ZNF398: variants seen among roughly 807,000 people sequenced by gnomAD.
ZNF398 encodes zinc finger DNA binding protein ZER6.
A neutral mutation model predicts 41.9 loss-of-function variants in ZNF398; 18 were observed. The ratio of observed to expected loss-of-function variants is 0.43; its 90% CI spans 0.30 to 0.64. ZNF398 has a LOEUF of 0.64. Ranked by LOEUF, ZNF398 falls within the 30% of genes least tolerant of loss-of-function variation. ZNF398 has a pLI of 0.14. For synonymous variants in ZNF398, 260 were observed against 308.8 expected, an observed-to-expected ratio of 0.84 and a Z score of 1.66; for missense variants, 669 against 822.8, an observed-to-expected ratio of 0.81 and a Z score of 2.29.
intron 4 of ZNF398, among the ~76,000 whole-genome samples, chr7:149,173,644 T>C (rs1451102474): frequency 2.6e-5 from 4 of 152,192 alleles, no homozygotes; most frequent in African/African-American, 9.6e-5. Context: ...ACTAGTATTT[T>C]GAAAGGAATT....
intron 2 of ZNF398, among the ~76,000 whole-genome samples, chr7:149,157,802 C>T (rs1795015383): frequency 6.8e-6 from 1 of 147,586 alleles, no homozygotes; most frequent in African/African-American, 2.5e-5. Context: ...CGTGCCACTG[C>T]ACTCCAGCCT....
At chr7:149,154,660 G>A (rs1478668852) in intron 2 of ZNF398, among the ~76,000 whole-genome samples, 2 of 151,970 alleles carry the variant, frequency 1.3e-5, no homozygotes, top group Non-Finnish European at 2.9e-5. Flanking sequence ...GTTAACTTGT[G>A]TGCCAGATTC....
At position 149,138,073 on chromosome 7, in the gene ZNF398, C is replaced by T. The variant is rs139247302; in HGVS notation, c.-490+9129C>T. 2.0e-3 allele frequency among the ~76,000 whole-genome samples: 302 copies of T among 151,820 alleles called. 12 individuals carry two copies. The East Asian group carries it at 0.053, about 27-fold the overall frequency. On this transcript the variant is annotated intron_variant, in intron 2 of 6. Coordinates refer to the ZNF398 transcript ENST00000426851. ...AAAATTAGTTGCGCATGGTGGCGCA[C>T]GCCTGTGATCCCAGCTACTCGGGAG...
intron 1 of ZNF398, among the ~76,000 whole-genome samples, chr7:149,149,449 G>T (rs1827056116): frequency 6.6e-6 from 1 of 152,004 alleles, no homozygotes; most frequent in Non-Finnish European, 1.5e-5. Context: ...TGCCGGGATG[G>T]TCTCAATCTC....
At chr7:149,171,172 A>G (rs1232499600) in intron 4 of ZNF398, among the ~76,000 whole-genome samples, 1 of 151,130 alleles carries the variant, frequency 6.6e-6, no homozygotes, top group African/African-American at 2.4e-5. Context: ...TTAACCATAA[A>G]TTAACCTTAG....
chr7:149,175,707 GT>G (rs1053919879), intron 4 of ZNF398, among the ~76,000 whole-genome samples: 1 of 152,036 alleles, frequency 6.6e-6, no homozygotes. Flanking sequence ...TTGAAATGGA[GT>G]TTTTTTGCTC....
chr7:149,173,250 G>T lies in ZNF398; in HGVS notation c.662-3218G>T, dbSNP rs10271019. Among the ~76,000 whole-genome samples, 1,466 of 151,712 alleles carry T rather than the reference G, an allele frequency of 9.7e-3. 28 individuals are homozygous for T. Among genetic ancestry groups the T allele is most frequent in the African/African-American group, 0.033 (1,377 of 41,330 alleles). The stretch of plus-strand genomic sequence containing the variant: ...CTCCTGAGTAGCTGGGATTACAGGC[G>T]CCTACCACCATGCCTGGCTCATTTT... On this transcript the variant is annotated intron_variant, in intron 4 of 5. Coordinates refer to ENST00000475153, the MANE Select transcript of ZNF398 (RefSeq NM_170686.3).
Position 149,177,020 on chromosome 7 carries a change from T to C in ZNF398, c.775+439T>C, listed in dbSNP as rs1568945. Among the ~76,000 whole-genome samples, 100 of 151,958 alleles carry C rather than the reference T, an allele frequency of 6.6e-4. 1 individual carries two copies. Among genetic ancestry groups the C allele is most frequent in the Admixed American group, 1.8e-3 (28 of 15,252 alleles). On this transcript the variant is annotated intron_variant, in intron 5 of 5. Coordinates refer to ENST00000475153, the MANE Select transcript of ZNF398 (RefSeq NM_170686.3). Reference sequence around the variant, plus strand: ...AAAATCAATGATGGGAGAAGAAATATAAGTATCTTCCTTCTAAGATACTTT... The same window carrying C: ...AAAATCAATGATGGGAGAAGAAATACAAGTATCTTCCTTCTAAGATACTTT...
In ZNF398 at chr7:149,182,801, A is replaced by G. The variant is rs1458766068; in HGVS notation, c.*3000A>G. 6.6e-6 allele frequency: 1 copy of G among 152,210 alleles called. No homozygotes were observed. The highest frequency in any genetic ancestry group is 6.5e-5 in the Admixed American group (1 of 15,286). The allele number at this position is 152,210 out of a possible 1,614,324, so 9.4% of individuals were successfully genotyped here. The stretch of plus-strand genomic sequence containing the variant: ...AGTTGGTTGATTGTCTAGAAAGTGC[A>G]AGAAGATGGCCCTGCTCCTTTTCTG... On this transcript the variant is annotated 3_prime_UTR_variant, in exon 6 of 6. Transcript: ENST00000475153.
intron 2 of ZNF398, among the ~76,000 whole-genome samples, chr7:149,136,889 C>T (rs1826725327): frequency 6.8e-6 from 1 of 146,514 alleles, no homozygotes; most frequent in Non-Finnish European, 1.5e-5. Context: ...TTTTTGAGAC[C>T]GAGTTTTGCT....
At position 149,147,831 on chromosome 7, in the gene ZNF398, GC is replaced by G; in HGVS notation, c.24+66del. 7.6e-7 allele frequency: 1 copy of G among 1,320,120 alleles called. No homozygotes were observed. Among genetic ancestry groups the G allele is most frequent in the South Asian group, 2.0e-5 (1 of 50,604 alleles). 81.8% of individuals were successfully genotyped at this position (1,320,120 alleles called of 1,614,324 possible). On this transcript the variant is annotated intron_variant, in intron 1 of 5. Coordinates refer to ENST00000475153, the MANE Select transcript of ZNF398 (RefSeq NM_170686.3). This position sits in a 1 kb window ranked among gnomAD's most constrained non-coding sequence, Gnocchi z 5.6. ...CCCAGACCCCGAGGGAGGAAGGCGG[GC>G]GGGCAGGGAGCTGCCAGGCATAGGC...
Position 149,179,557 on chromosome 7 carries a change from C to A in ZNF398, c.1685C>A (p.Thr562Asn). Reference protein sequence around the residue: ...HHLMKHQRIHTGERPYPCSYC... With the variant: ...HHLMKHQRIHNGERPYPCSYC... Reference sequence around the variant, plus strand: ...CTAATGAAACACCAGCGCATCCACACCGGGGAGCGGCCCTACCCCTGCTCC... The same window carrying A: ...CTAATGAAACACCAGCGCATCCACAACGGGGAGCGGCCCTACCCCTGCTCC... Residue 562 changes from threonine (T) to asparagine (N), a missense_variant, in exon 6 of 6, where the codon ACC becomes AAC. Transcript: ENST00000475153. The surrounding 1 kb of genome is among the most constrained non-coding windows in gnomAD (Gnocchi z 6.1). 1 of 1,614,250 alleles carries A rather than the reference C, an allele frequency of 6.2e-7. No individual in the cohort carries two copies. The highest frequency in any genetic ancestry group is 8.5e-7 in the Non-Finnish European group (1 of 1,180,052).
intron 4 of ZNF398, among the ~76,000 whole-genome samples, chr7:149,171,602 C>T (rs1795344494): frequency 6.6e-6 from 1 of 152,040 alleles, no homozygotes; most frequent in African/African-American, 2.4e-5. Flanking sequence ...AAATTCCTGA[C>T]CTCATGATCC....
intron 4 of ZNF398, among the ~76,000 whole-genome samples, chr7:149,175,443 T>C (rs557163394): frequency 1.3e-5 from 2 of 152,290 alleles, no homozygotes; most frequent in African/African-American, 4.8e-5. Context: ...GCAAAGCCGA[T>C]ATTGGCTGTG....
intron 5 of ZNF398, among the ~76,000 whole-genome samples, chr7:149,177,896 C>G (rs1585543747): frequency 6.6e-6 from 1 of 152,260 alleles, no homozygotes; most frequent in Middle Eastern, 3.4e-3. Context: ...TGCCTGTAAT[C>G]CCAGCACTTT....
At chr7:149,155,724 T>TTAA (rs1554462773) in intron 2 of ZNF398, among the ~76,000 whole-genome samples, 32 of 83,632 alleles carry the variant, frequency 3.8e-4, no homozygotes, top group Admixed American at 1.2e-3. Context: ...TTTTTTTTTT[T>TTAA]TTTTTAATTT....
Position 149,176,658 on chromosome 7 carries a change from A to G in ZNF398, c.775+77A>G, listed in dbSNP as rs1795466142. On this transcript the variant is annotated intron_variant, in intron 5 of 5. Coordinates refer to ENST00000475153, the MANE Select transcript of ZNF398 (RefSeq NM_170686.3). ...ACTGACTGAAGAAACAGCAGGTGAAATTTGTAGAGGCAAATATGTGGGAGA... is the reference window on the plus strand; with the variant it reads ...ACTGACTGAAGAAACAGCAGGTGAAGTTTGTAGAGGCAAATATGTGGGAGA... 6.5e-6 allele frequency: 6 copies of G among 928,846 alleles called. 1 individual carries two copies. In the Admixed American group the frequency reaches 1.6e-4, roughly 24 times the overall value. 57.5% of individuals were successfully genotyped at this position (928,846 alleles called of 1,614,324 possible).
chr7:149,146,179 T>C (rs1585510592), upstream of ZNF398, among the ~76,000 whole-genome samples: 2 of 151,168 alleles, frequency 1.3e-5, no homozygotes, highest in South Asian at 4.2e-4. Context: ...ACTCAGGTGA[T>C]CTGCCCGCCT....
intron 4 of ZNF398, among the ~76,000 whole-genome samples, chr7:149,173,353 C>T (rs750467030): frequency 2.0e-5 from 3 of 151,812 alleles, no homozygotes; most frequent in Non-Finnish European, 4.4e-5. Context: ...GTGATCCACC[C>T]GTCTCGGCCT....
Sources: allele counts gnomAD v4.1 joint callset (sites outside exome capture counted in the v4.1 genomes callset), GRCh38; gene constraint gnomAD v4.1.1; non-coding constraint Gnocchi (gnomAD v3.1); transcripts MANE v1.5; gene names NCBI Gene and HGNC (gene_info 2026-07-23, HGNC 2026-07-21).